The following KCNMA1 variants were observed in gnomAD, a reference collection of about 807,000 sequenced individuals.
KCNMA1 encodes the protein Calcium-activated potassium channel subunit alpha-1.
KCNMA1 carries 29 observed loss-of-function variants against 140.0 expected under a neutral mutation model. That is an observed-to-expected ratio of 0.21 (90% CI 0.15 to 0.28). The LOEUF is 0.28. Among genes scored for constraint, KCNMA1 ranks in the 10% least tolerant of loss-of-function variants. The probability of loss-of-function intolerance (pLI) is 1.00; values close to 1 mark genes in which losing one functional copy is unlikely to be tolerated. For synonymous variants in KCNMA1, 612 were observed against 611.9 expected, an observed-to-expected ratio of 1.00 and a Z score of 0.00; for missense variants, 880 against 1,602.2, an observed-to-expected ratio of 0.55 and a Z score of 7.70.
At chr10:77,283,951 G>A (rs1163087575) in intron 2 of KCNMA1, among the ~76,000 whole-genome samples, 1 of 152,208 alleles carries the variant, frequency 6.6e-6, no homozygotes, top group Non-Finnish European at 1.5e-5. Context: ...TGAAGAATGA[G>A]TAGGTGCTAT....
chr10:77,048,882 T>A lies in KCNMA1; in HGVS notation c.1750-9245A>T, dbSNP rs113720286. 2.4e-3 allele frequency among the ~76,000 whole-genome samples: 366 copies of A among 152,222 alleles called. 2 individuals carry two copies. Among genetic ancestry groups the A allele is most frequent in the African/African-American group, 8.3e-3 (347 of 41,558 alleles). On this transcript the variant is annotated intron_variant, in intron 14 of 27. Coordinates refer to ENST00000286628, the MANE Select transcript of KCNMA1 (RefSeq NM_001161352.2). ...TTCATGCCATTCTCCCACCTCAGCC[T>A]CCTGACTAGCTGGGACTACAAGCGC...
intron 2 of KCNMA1, among the ~76,000 whole-genome samples, chr10:77,340,734 G>A (rs1384434557): frequency 6.6e-6 from 1 of 151,956 alleles, no homozygotes; most frequent in Non-Finnish European, 1.5e-5. Flanking sequence ...AGGGGGCAGG[G>A]ATAGCATTAG....
intron 16 of KCNMA1, chr10:77,020,280 G>A (rs567580653): frequency 2.6e-5 from 4 of 152,238 alleles, no homozygotes; most frequent in Admixed American, 1.3e-4. Context: ...AAGTGTTGTG[G>A]TCATGAAGTG....
chr10:77,345,143 T>G (rs1291099954), intron 2 of KCNMA1, among the ~76,000 whole-genome samples: 1 of 152,208 alleles, frequency 6.6e-6, no homozygotes, highest in Non-Finnish European at 1.5e-5. Context: ...AAATATTTGT[T>G]GATTGAATGA....
At chr10:76,923,459 C>T (rs963002139) in intron 23 of KCNMA1, among the ~76,000 whole-genome samples, 1 of 151,330 alleles carries the variant, frequency 6.6e-6, no homozygotes, top group Admixed American at 6.6e-5. Context: ...AAAAAGAATT[C>T]GCTTAAAGAG....
At chr10:76,880,997 G>A (rs1021336829), downstream of KCNMA1, among the ~76,000 whole-genome samples, 4 of 152,182 alleles carry the variant, frequency 2.6e-5, no homozygotes, top group African/African-American at 9.7e-5. Flanking sequence ...TGTGTGACAT[G>A]TCAGGAGTTC....
chr10:77,001,695 T>A, intron 18 of KCNMA1, 115 bp from the exon 19 acceptor site: 1 of 800,764 alleles, frequency 1.2e-6, no homozygotes, highest in Non-Finnish European at 2.0e-6. Flanking sequence ...CTTAGTTCAC[T>A]TTAACAGTCT....
chr10:77,113,468 A>G (rs2097373632), intron 6 of KCNMA1, among the ~76,000 whole-genome samples: 1 of 151,546 alleles, frequency 6.6e-6, no homozygotes, highest in South Asian at 2.1e-4. Flanking sequence ...TTTTTATTTT[A>G]TTTTTTATTT....
chr10:77,422,037 T>C (rs772526055), intron 1 of KCNMA1, among the ~76,000 whole-genome samples: 19 of 152,272 alleles, frequency 1.2e-4, no homozygotes, highest in Non-Finnish European at 2.5e-4. Flanking sequence ...GCATACAGCA[T>C]AGCAAAAGCT....
intron 1 of KCNMA1, among the ~76,000 whole-genome samples, chr10:77,623,370 T>C (rs999279945): frequency 2.0e-5 from 3 of 152,264 alleles, no homozygotes; most frequent in South Asian, 2.1e-4. Flanking sequence ...TGGCAATCAC[T>C]ATTGTCTAAA....
At position 77,158,552 on chromosome 10, in the gene KCNMA1, A is replaced by T. The variant is rs139339285; in HGVS notation, c.808+24869T>A. ...ATTCCCCATAGTCCCCCCCTCCATG[A>T]TTCCTAGTTTGCTCCCAGCTCCTCT... On this transcript the variant is annotated intron_variant, in intron 5 of 27. Transcript: ENST00000286628. Among the ~76,000 whole-genome samples the T allele has an allele frequency of 2.3e-3, 351 of 152,008 alleles. 3 individuals carry two copies. Among genetic ancestry groups the T allele is most frequent in the Non-Finnish European group, 3.2e-3 (220 of 67,980 alleles).
chr10:77,033,732 C>A (rs532836220), intron 15 of KCNMA1, among the ~76,000 whole-genome samples: 5 of 152,132 alleles, frequency 3.3e-5, no homozygotes, highest in Non-Finnish European at 7.3e-5. Flanking sequence ...CTGGACCCAC[C>A]ACTGCCTCAG....
intron 2 of KCNMA1, among the ~76,000 whole-genome samples, chr10:77,349,956 C>T (rs1383917766): frequency 1.3e-4 from 20 of 151,852 alleles, no homozygotes; most frequent in African/African-American, 2.4e-4. Context: ...TATAGTGGTA[C>T]GATCTCGGCT....
intron 5 of KCNMA1, 32 bp from the exon 6 acceptor site, chr10:77,121,080 T>G: frequency 7.8e-7 from 1 of 1,277,638 alleles, no homozygotes; most frequent in South Asian, 1.2e-5. Flanking sequence ...AGATGCATTA[T>G]TTTCAATGTG....
At chr10:77,567,986 G>C (rs2069009695) in intron 1 of KCNMA1, among the ~76,000 whole-genome samples, 1 of 152,312 alleles carries the variant, frequency 6.6e-6, no homozygotes, top group South Asian at 2.1e-4. Flanking sequence ...AAATCTAGAA[G>C]AAATGGATAA....
chr10:76,997,099 C>T (rs2153381937), intron 19 of KCNMA1, among the ~76,000 whole-genome samples: 1 of 152,214 alleles, frequency 6.6e-6, no homozygotes, highest in South Asian at 2.1e-4. Context: ...AATGTTAATT[C>T]TCTGTCTGCA....
downstream of KCNMA1, among the ~76,000 whole-genome samples, chr10:76,882,685 C>G (rs530170747): frequency 6.6e-6 from 1 of 152,324 alleles, no homozygotes; most frequent in East Asian, 1.9e-4. Flanking sequence ...GCAAACTGCT[C>G]TCCCAGCCCT....
chr10:76,959,501 G>A (rs1420975544), intron 20 of KCNMA1, among the ~76,000 whole-genome samples: 1 of 152,206 alleles, frequency 6.6e-6, no homozygotes, highest in Non-Finnish European at 1.5e-5. Context: ...TCCATTTGAG[G>A]ATTACATGAG....
At chr10:77,058,219 G>A (rs888842218) in intron 14 of KCNMA1, among the ~76,000 whole-genome samples, 4 of 151,962 alleles carry the variant, frequency 2.6e-5, no homozygotes, top group Non-Finnish European at 4.4e-5. Flanking sequence ...CCAAGAAAAC[G>A]TAACAATCTA....
Sources: allele counts gnomAD v4.1 joint callset (sites outside exome capture counted in the v4.1 genomes callset), GRCh38; gene constraint gnomAD v4.1.1; transcripts MANE v1.5; gene names NCBI Gene and HGNC (gene_info 2026-07-23, HGNC 2026-07-21).